The following MYO5C variants were observed in gnomAD, a reference collection of about 807,000 sequenced individuals.
The protein encoded by MYO5C is unconventional myosin-Vc.
A neutral mutation model predicts 235.7 loss-of-function variants in MYO5C; 194 were observed. That is an observed-to-expected ratio of 0.82 (90% CI 0.73 to 0.93). The LOEUF (loss-of-function observed/expected upper bound fraction) is 0.93, where lower values mean the gene tolerates loss of function less well. Ranked by LOEUF, MYO5C falls within the 40% of genes least tolerant of loss-of-function variation. The pLI, the probability that MYO5C is intolerant of heterozygous loss-of-function variation, is 0.00. For missense variants in MYO5C, 2,038 were observed against 2,127.2 expected (o/e 0.96, Z 0.82); for synonymous variants, 707 against 754.8 (o/e 0.94, Z 1.04).
intron 1 of MYO5C, among the ~76,000 whole-genome samples, chr15:52,283,761 C>T (rs1351326291): frequency 6.6e-6 from 1 of 152,138 alleles, no homozygotes; most frequent in East Asian, 1.9e-4. Flanking sequence ...CTGCAACCTC[C>T]ACCTCCCGGG....
intron 38 of MYO5C, 138 bp downstream of exon 38, chr15:52,204,727 C>A: frequency 1.8e-6 from 2 of 1,085,934 alleles, no homozygotes; most frequent in South Asian, 3.3e-5. Flanking sequence ...CCTAGGGTGA[C>A]TCGAATATCC....
chr15:52,213,709 ATCAC>A (rs1352527010), intron 33 of MYO5C, among the ~76,000 whole-genome samples: 9 of 152,272 alleles, frequency 5.9e-5, no homozygotes, highest in Non-Finnish European at 1.2e-4. Flanking sequence ...CTGTAAAGTT[ATCAC>A]AAACATAGAG....
At chr15:52,223,775 A>G (rs2035755919) in intron 28 of MYO5C, 51 bp from the exon 29 acceptor site, 1 of 1,545,456 alleles carries the variant, frequency 6.5e-7, no homozygotes, top group Non-Finnish European at 8.8e-7. Flanking sequence ...GTTCTGTTTT[A>G]TGGACTGCTG....
Position 52,211,813 on chromosome 15 carries a change from G to T in MYO5C, c.4213C>A (p.Arg1405Ser). The T allele has an allele frequency of 6.2e-7, 1 of 1,614,134 alleles. No homozygotes were observed. The highest frequency in any genetic ancestry group is 8.5e-7 in the Non-Finnish European group (1 of 1,180,014). The change falls in exon 35 of 41, where the codon CGC (arginine) becomes AGC (serine). Residue 1405 changes from arginine (R) to serine (S), a missense_variant. Arg to Ser is a moderately radical substitution (Grantham distance 110). Coordinates refer to ENST00000261839, the MANE Select transcript of MYO5C (RefSeq NM_018728.4). ...LPAHILFMCV[R>S]YADSLNDANM... ...GCATCATTCAGAGAGTCTGCGTAGC[G>T]CACACACATGAACAGGATATGAGCC...
At chr15:52,291,254 A>G (rs1275471868) in intron 1 of MYO5C, among the ~76,000 whole-genome samples, 1 of 152,222 alleles carries the variant, frequency 6.6e-6, no homozygotes, top group African/African-American at 2.4e-5. Context: ...AAATTCACCC[A>G]GAGGAAGGTG....
At chr15:52,286,493 T>A (rs1418445196) in intron 1 of MYO5C, among the ~76,000 whole-genome samples, 1 of 151,740 alleles carries the variant, frequency 6.6e-6, no homozygotes, top group African/African-American at 2.4e-5. Context: ...TTTTGTGGAA[T>A]AGAAAGGGGG....
Position 52,193,960 on chromosome 15 carries a change from G to C in MYO5C, c.5171C>G (p.Ala1724Gly). ...VTFPFTPSPH[A>G]LEMIQIPSSF... ...GCTGGGGATCTGAATCATTTCCAGAGCATGTGGAGAGGGGGTAAAAGGAAA... is the reference window on the plus strand; with the variant it reads ...GCTGGGGATCTGAATCATTTCCAGACCATGTGGAGAGGGGGTAAAAGGAAA... The change falls in exon 41 of 41, where the codon GCT becomes GGT. Residue 1724 changes from alanine to glycine, a missense_variant. Coordinates refer to ENST00000261839, the MANE Select transcript of MYO5C (RefSeq NM_018728.4). 6.2e-7 allele frequency: 1 copy of C among 1,613,736 alleles called. No homozygotes were observed. Among genetic ancestry groups the C allele is most frequent in the South Asian group, 1.1e-5 (1 of 90,946 alleles).
chr15:52,277,275 A>G (rs2037073560), intron 4 of MYO5C: 1 of 518,734 alleles, frequency 1.9e-6, no homozygotes, highest in East Asian at 5.5e-5. Context: ...ACAGACCTCC[A>G]AGGAGAAACT....
At chr15:52,255,094 T>C (rs1596197363) in intron 11 of MYO5C, among the ~76,000 whole-genome samples, 1 of 152,352 alleles carries the variant, frequency 6.6e-6, no homozygotes, top group Middle Eastern at 3.4e-3. Context: ...TGACTCTTTT[T>C]AAATTGATAC....
At chr15:52,247,626 AGCAACT>A in intron 14 of MYO5C, 34 bp from the exon 15 acceptor site, 1 of 1,611,438 alleles carries the variant, frequency 6.2e-7, no homozygotes, top group Non-Finnish European at 8.5e-7. Context: ...AATGTCCAAA[AGCAACT>A]GCCCACAGTA....
chr15:52,208,514 G>C, intron 36 of MYO5C, 40 bp downstream of exon 36: 1 of 1,583,126 alleles, frequency 6.3e-7, no homozygotes, highest in Non-Finnish European at 8.7e-7. Flanking sequence ...TTATAGACTG[G>C]CTGTCAGCAC....
chr15:52,224,379 G>GTGAAC (rs1163992724), intron 28 of MYO5C, among the ~76,000 whole-genome samples: 1 of 152,206 alleles, frequency 6.6e-6, no homozygotes, highest in Non-Finnish European at 1.5e-5. Flanking sequence ...TACACCAAGA[G>GTGAAC]TGAACTCTAA....
intron 1 of MYO5C, 47 bp from the exon 2 acceptor site, chr15:52,282,939 A>G: frequency 2.5e-6 from 3 of 1,177,684 alleles, no homozygotes; most frequent in Non-Finnish European, 2.5e-6. Flanking sequence ...TTCCAAAATT[A>G]TGGATCAATG....
At chr15:52,205,320 G>T in intron 37 of MYO5C, 173 bp from the exon 38 acceptor site, 2 of 724,558 alleles carry the variant, frequency 2.8e-6, no homozygotes, top group Non-Finnish European at 4.4e-6. Context: ...GTGTGTGTCA[G>T]GGTTAGGGAT....
chr15:52,224,812 T>C, intron 28 of MYO5C, 89 bp downstream of exon 28: 7 of 1,020,870 alleles, frequency 6.9e-6, no homozygotes, highest in Non-Finnish European at 7.4e-6. Flanking sequence ...AATTTGTGTA[T>C]CAATCTATGT....
At chr15:52,253,067 C>A (rs896437810) in intron 12 of MYO5C, among the ~76,000 whole-genome samples, 1 of 152,236 alleles carries the variant, frequency 6.6e-6, no homozygotes, top group African/African-American at 2.4e-5. Flanking sequence ...CACTTTGGGA[C>A]AGCCTCCATG....
At chr15:52,281,077 C>CT (rs2037153756) in intron 2 of MYO5C, among the ~76,000 whole-genome samples, 1 of 152,206 alleles carries the variant, frequency 6.6e-6, no homozygotes, top group Non-Finnish European at 1.5e-5. Context: ...AGGAAAAATG[C>CT]TTCTCATACA....
At position 52,218,614 on chromosome 15, in the gene MYO5C, C is replaced by T. The variant is rs868392874; in HGVS notation, c.3859G>A (p.Glu1287Lys). 1.9e-6 allele frequency: 3 copies of T among 1,614,188 alleles called. No homozygotes were observed. The highest frequency in any genetic ancestry group is 1.1e-5 in the South Asian group (1 of 91,084). Residue 1287 changes from glutamate (E) to lysine (K), a missense_variant, in exon 32 of 41, where the codon GAG becomes AAG. Coordinates refer to ENST00000261839, the MANE Select transcript of MYO5C (RefSeq NM_018728.4). ...TGTTTCTTCAAGTGGTCACTGGCCT[C>T]CTGCATTTCTTGAATCTTATCAATC... ...KLIDKIQEMQ[E>K]ASDHLKKQFE... is the part of the protein sequence containing the mutation.
At chr15:52,269,002 A>G (rs2036866569) in intron 8 of MYO5C, among the ~76,000 whole-genome samples, 1 of 152,236 alleles carries the variant, frequency 6.6e-6, no homozygotes, top group African/African-American at 2.4e-5. Context: ...ATGAGTTCAC[A>G]CAGAGTTATA....
Sources: allele counts gnomAD v4.1 joint callset (sites outside exome capture counted in the v4.1 genomes callset), GRCh38; gene constraint gnomAD v4.1.1; transcripts MANE v1.5; gene names NCBI Gene and HGNC (gene_info 2026-07-23, HGNC 2026-07-21).